Variants in SCMH1 observed in about 807,000 individuals in gnomAD.
SCMH1 encodes the protein Scm polycomb group protein homolog 1, also known as polycomb protein SCMH1.
A neutral mutation model predicts 70.8 loss-of-function variants in SCMH1; 37 were observed. The observed-to-expected ratio is 0.52, with a 90% CI of 0.40 to 0.69. SCMH1 has a LOEUF of 0.69. Ranked by LOEUF, SCMH1 falls within the 30% of genes least tolerant of loss-of-function variation. The probability of loss-of-function intolerance (pLI) is 0.00; values close to 1 mark genes in which losing one functional copy is unlikely to be tolerated. For missense variants in SCMH1, 607 were observed against 827.3 expected (o/e 0.73, Z 3.27); for synonymous variants, 292 against 307.4 (o/e 0.95, Z 0.52).
At chr1:41,196,848 A>C (rs1228233352) in intron 1 of SCMH1, among the ~76,000 whole-genome samples, 1 of 152,170 alleles carries the variant, frequency 6.6e-6, no homozygotes, top group African/African-American at 2.4e-5. Context: ...ATAATTCAAC[A>C]ACAAGAAGAA....
At chr1:41,043,068 A>G (rs1646418538) in intron 12 of SCMH1, 1 of 152,204 alleles carries the variant, frequency 6.6e-6, no homozygotes, top group Non-Finnish European at 1.5e-5. Context: ...TATGAACTAC[A>G]TAATAGCTAA....
At chr1:41,242,125 G>GAGGGAGCGGAGACGCGGGA (rs1663726766), upstream of SCMH1, 1 of 149,800 alleles carries the variant, frequency 6.7e-6, no homozygotes, top group Non-Finnish European at 1.5e-5. This position sits in a 1 kb window ranked among gnomAD's most constrained non-coding sequence, Gnocchi z 5.2. Flanking sequence ...GCTGCGCAGG[G>GAGGGAGCGGAGACGCGGGA]AGGGAGCGGA....
chr1:41,196,060 A>C (rs12044539), intron 1 of SCMH1, among the ~76,000 whole-genome samples: 16,462 of 152,236 alleles, frequency 0.11, 1,263 homozygotes, highest in East Asian at 0.27. Flanking sequence ...AAAGAAATTA[A>C]AGAAGATGTA....
At chr1:41,130,096 T>C (rs1674266436) in intron 6 of SCMH1, among the ~76,000 whole-genome samples, 1 of 152,218 alleles carries the variant, frequency 6.6e-6, no homozygotes, top group Non-Finnish European at 1.5e-5. Flanking sequence ...CATGAACATA[T>C]TTTCATGTGC....
At chr1:41,129,490 G>A (rs1674068514) in intron 6 of SCMH1, among the ~76,000 whole-genome samples, 1 of 152,132 alleles carries the variant, frequency 6.6e-6, no homozygotes, top group African/African-American at 2.4e-5. Context: ...CACTTAGCAT[G>A]TCGTCGAGGT....
chr1:41,109,472 C>T (rs1668746847), intron 8 of SCMH1, among the ~76,000 whole-genome samples: 1 of 152,110 alleles, frequency 6.6e-6, no homozygotes, highest in African/African-American at 2.4e-5. Context: ...ACATTTTTTC[C>T]ACATTGCATC....
intron 2 of SCMH1, among the ~76,000 whole-genome samples, chr1:41,184,862 A>G (rs1335134700): frequency 3.3e-5 from 5 of 152,214 alleles, no homozygotes; most frequent in Non-Finnish European, 5.9e-5. Flanking sequence ...CTAAGCATCA[A>G]ACAATATTAT....
intron 14 of SCMH1, 37 bp from the exon 16 acceptor site, chr1:41,028,356 G>A: frequency 6.2e-7 from 1 of 1,610,728 alleles, no homozygotes; most frequent in Non-Finnish European, 8.5e-7. Context: ...TGGAAGGGAG[G>A]CACCATCAGA....
intron 6 of SCMH1, among the ~76,000 whole-genome samples, chr1:41,142,001 T>C (rs1572547398): frequency 1.3e-5 from 2 of 152,312 alleles, no homozygotes; most frequent in East Asian, 3.9e-4. Context: ...GTTTAACAAT[T>C]GGAGGTGGGG....
intron 8 of SCMH1, among the ~76,000 whole-genome samples, chr1:41,087,929 T>A (rs1259133597): frequency 1.3e-5 from 2 of 149,844 alleles, no homozygotes; most frequent in Non-Finnish European, 3.0e-5. Context: ...ACACTATATA[T>A]AGTTTCTGGT....
At chr1:41,080,961 G>A (rs1659829517) in intron 8 of SCMH1, among the ~76,000 whole-genome samples, 2 of 152,022 alleles carry the variant, frequency 1.3e-5, no homozygotes, top group African/African-American at 2.4e-5. Context: ...GACTGTAAGG[G>A]AAGAAGCATT....
At chr1:41,229,003 C>T (rs1052130564) in intron 1 of SCMH1, among the ~76,000 whole-genome samples, 1 of 152,112 alleles carries the variant, frequency 6.6e-6, no homozygotes, top group Admixed American at 6.6e-5. Flanking sequence ...CGAAACCAGC[C>T]TGACCAACAC....
chr1:41,233,231 TATAACTCTTTCCAC>T (rs1202939774), intron 1 of SCMH1, among the ~76,000 whole-genome samples: 1 of 151,392 alleles, frequency 6.6e-6, no homozygotes, highest in Non-Finnish European at 1.5e-5. Flanking sequence ...ATATAAGCCA[TATAACTCTTTCCAC>T]ATACCATGCA....
intron 1 of SCMH1, among the ~76,000 whole-genome samples, chr1:41,198,273 T>G (rs1247051095): frequency 6.6e-6 from 1 of 152,144 alleles, no homozygotes; most frequent in Admixed American, 6.6e-5. Flanking sequence ...TCTCTGGGGT[T>G]TAGAGGGGCT....
chr1:41,172,341 T>C (rs553491529), intron 2 of SCMH1, among the ~76,000 whole-genome samples: 45 of 151,744 alleles, frequency 3.0e-4, no homozygotes, highest in Non-Finnish European at 5.4e-4. Flanking sequence ...TCATTTACAA[T>C]AGCTATAAAA....
At chr1:41,118,016 T>C (rs1156960123) in intron 6 of SCMH1, among the ~76,000 whole-genome samples, 1 of 152,134 alleles carries the variant, frequency 6.6e-6, no homozygotes, top group African/African-American at 2.4e-5. Flanking sequence ...CTACACTCTC[T>C]TGTCTCCGCA....
At chr1:41,176,200 C>CAAAAAAAAAAAAAAAAAAAAA (rs764569782) in intron 2 of SCMH1, among the ~76,000 whole-genome samples, 6 of 101,372 alleles carry the variant, frequency 5.9e-5, no homozygotes, top group Admixed American at 9.8e-5. Context: ...AAAAAAAAAA[C>CAAAAAAAAAAAAAAAAAAAAA]AAAAAAAAAA....
chr1:41,224,400 T>C (rs1222115632), intron 1 of SCMH1, among the ~76,000 whole-genome samples: 2 of 152,342 alleles, frequency 1.3e-5, no homozygotes, highest in South Asian at 2.1e-4. Flanking sequence ...TAGTGATTAT[T>C]GTATCTCCAT....
chr1:41,232,600 T>A, intron 1 of SCMH1, among the ~76,000 whole-genome samples: 1 of 152,208 alleles, frequency 6.6e-6, no homozygotes, highest in East Asian at 1.9e-4. Flanking sequence ...CTATTACTTA[T>A]AAACTGCATA....
Sources: gnomAD v4.1 joint callset for allele counts (sites outside exome capture counted in the v4.1 genomes callset) on GRCh38, gnomAD v4.1.1 for gene constraint, Gnocchi (gnomAD v3.1) non-coding constraint, MANE v1.5 for transcripts, NCBI Gene and HGNC (gene_info 2026-07-23, HGNC 2026-07-21) for gene names.